KLHL15: variants seen among roughly 807,000 people sequenced by gnomAD.
KLHL15 encodes the protein kelch like family member 15.
In KLHL15, 1 loss-of-function variant was observed where a neutral mutation model predicts 29.3. That is an observed-to-expected ratio of 0.03 (90% CI 0.01 to 0.16). The LOEUF (loss-of-function observed/expected upper bound fraction) is 0.16, where lower values mean the gene tolerates loss of function less well. Among genes scored for constraint, KLHL15 ranks in the 10% least tolerant of loss-of-function variants. The pLI, the probability that KLHL15 is intolerant of heterozygous loss-of-function variation, is 1.00. For missense variants in KLHL15, 215 were observed against 478.5 expected (o/e 0.45, Z 5.14); for synonymous variants, 212 against 184.5 (o/e 1.15, Z -1.21).
At chrX:24,013,628 G>T (rs1405759496) in intron 2 of KLHL15, among the ~76,000 whole-genome samples, 1 of 111,096 alleles carries the variant, frequency 9.0e-6, no homozygotes, top group African/African-American at 3.3e-5. Context: ...AATGCATACT[G>T]GGAACAAAAG....
chrX:24,022,639 TA>T (rs34810589), intron 2 of KLHL15, among the ~76,000 whole-genome samples: 162 of 90,589 alleles, frequency 1.8e-3, no homozygotes, highest in Middle Eastern at 5.3e-3. Flanking sequence ...ACTCTTGTCT[TA>T]AAAAAAAAAA....
At position 23,988,915 on chromosome X, in the gene KLHL15, C is replaced by T. The variant is rs1487106316; in HGVS notation, c.821G>A (p.Arg274His). ...QQPLLDMKSS[R>H]IRSAKPQTTV... Reference sequence around the variant, plus strand: ...AGTTTGCGGTTTTGCAGAACGGATGCGGCTTGACTTCATATCCAACAAAGG... The same window carrying T: ...AGTTTGCGGTTTTGCAGAACGGATGTGGCTTGACTTCATATCCAACAAAGG... The change falls in exon 4 of 4, where the codon CGC becomes CAC. Residue 274 changes from arginine (R) to histidine (H), a missense_variant. Arg to His is a conservative substitution (Grantham distance 29). Coordinates refer to ENST00000328046, the MANE Select transcript of KLHL15 (RefSeq NM_030624.3). 4.1e-6 allele frequency: 5 copies of T among 1,211,667 alleles called. No homozygotes were observed. Among genetic ancestry groups the T allele is most frequent in the African/African-American group, 3.5e-5 (2 of 57,775 alleles).
chrX:24,020,356 T>C (rs1279685347), intron 2 of KLHL15, among the ~76,000 whole-genome samples: 1 of 112,384 alleles, frequency 8.9e-6, no homozygotes, highest in African/African-American at 3.2e-5. Context: ...ACTACTCAAA[T>C]TGAAAACTCA....
intron 2 of KLHL15, among the ~76,000 whole-genome samples, chrX:24,022,260 G>A (rs182135563): frequency 7.1e-4 from 76 of 106,521 alleles, no homozygotes; most frequent in African/African-American, 2.4e-3. Flanking sequence ...ACTTGAACCC[G>A]GGAGGCGGAG....
intron 3 of KLHL15, among the ~76,000 whole-genome samples, chrX:24,003,645 A>ATATGTG (rs769665629): frequency 1.2e-5 from 1 of 80,246 alleles, no homozygotes; most frequent in African/African-American, 5.5e-5. Flanking sequence ...TAGCATAAAT[A>ATATGTG]TATGTGTGTG....
At chrX:24,026,846 G>A (rs1929943644) in intron 1 of KLHL15, among the ~76,000 whole-genome samples, 2 of 111,566 alleles carry the variant, frequency 1.8e-5, no homozygotes, top group South Asian at 3.7e-4. Context: ...AAATTCCCAA[G>A]TTGTTCACAC....
intron 2 of KLHL15, among the ~76,000 whole-genome samples, chrX:24,011,724 G>A (rs1929578997): frequency 9.0e-6 from 1 of 111,731 alleles, no homozygotes; most frequent in Non-Finnish European, 1.9e-5. Flanking sequence ...AATCACCTGA[G>A]CCCAGGAAGT....
chrX:24,022,891 CG>C (rs774846717), intron 2 of KLHL15, among the ~76,000 whole-genome samples: 9 of 108,808 alleles, frequency 8.3e-5, no homozygotes, highest in Non-Finnish European at 1.1e-4. Context: ...CCCGCCACCA[CG>C]CCAGGCTAAC....
rs754907146 is a variant in KLHL15, at chrX:24,008,217, T to C, written c.-7-1517A>G. Among the ~76,000 whole-genome samples, 5 of 112,340 alleles carry C rather than the reference T, an allele frequency of 4.5e-5. No homozygotes were observed. In the East Asian group the frequency reaches 8.3e-4, roughly 19 times the overall value. On this transcript the variant is annotated intron_variant, in intron 2 of 3. Coordinates refer to ENST00000328046, the MANE Select transcript of KLHL15 (RefSeq NM_030624.3). ...TAAAATAGAGAACTATAATTAGATA[T>C]CTTAAATACAGCGGAATAAACTAAT...
intron 2 of KLHL15, among the ~76,000 whole-genome samples, chrX:24,011,176 A>AAAAAAAG (rs1476286446): frequency 9.2e-6 from 1 of 109,229 alleles, no homozygotes; most frequent in East Asian, 2.8e-4. Flanking sequence ...TCAAAAAAAA[A>AAAAAAAG]AAAAAAGAAA....
At chrX:24,007,739 T>C (rs1046426870) in intron 2 of KLHL15, among the ~76,000 whole-genome samples, 5 of 109,103 alleles carry the variant, frequency 4.6e-5, no homozygotes, top group African/African-American at 1.7e-4. Flanking sequence ...CTAAAGGAAA[T>C]ATTCAAATAA....
intron 2 of KLHL15, among the ~76,000 whole-genome samples, chrX:24,016,075 A>G (rs1602015289): frequency 1.8e-5 from 2 of 108,877 alleles, no homozygotes; most frequent in East Asian, 5.8e-4. Context: ...CAGGCCAGGC[A>G]CGGTGACTCA....
At chrX:24,007,475 A>G (rs775891817) in intron 2 of KLHL15, among the ~76,000 whole-genome samples, 1 of 91,548 alleles carries the variant, frequency 1.1e-5, no homozygotes, top group South Asian at 5.8e-4. Flanking sequence ...CCTGGGAGAC[A>G]GCAAGACCCC....
chrX:23,991,763 T>A (rs1601997646), intron 3 of KLHL15, among the ~76,000 whole-genome samples: 1 of 111,636 alleles, frequency 9.0e-6, no homozygotes, highest in African/African-American at 3.3e-5. Context: ...CACTTGAACC[T>A]GGGAGGCGGA....
intron 3 of KLHL15, among the ~76,000 whole-genome samples, chrX:24,002,778 G>A (rs7061998): frequency 1.6e-3 from 175 of 110,833 alleles, no homozygotes; most frequent in African/African-American, 5.4e-3. Flanking sequence ...CCAGGCATGT[G>A]CCCCCACACC....
intron 3 of KLHL15, among the ~76,000 whole-genome samples, chrX:23,989,945 G>A (rs1168004635): frequency 1.4e-4 from 15 of 110,083 alleles, no homozygotes; most frequent in Admixed American, 1.3e-3. Flanking sequence ...GTGAGTCACT[G>A]CGCCTGGCAA....
chrX:24,013,316 G>A (rs1602013434), intron 2 of KLHL15, among the ~76,000 whole-genome samples: 1 of 110,811 alleles, frequency 9.0e-6, no homozygotes, highest in African/African-American at 3.3e-5. Context: ...AGGCTGGAAT[G>A]CAGTGGTGCG....
intron 2 of KLHL15, among the ~76,000 whole-genome samples, chrX:24,018,620 G>A (rs1187615266): frequency 9.0e-6 from 1 of 111,310 alleles, no homozygotes; most frequent in African/African-American, 3.3e-5. Context: ...ATGATCTGGG[G>A]ACAAGTGAAT....
chrX:23,993,198 T>TG (rs1407005075), intron 3 of KLHL15, among the ~76,000 whole-genome samples: 2 of 107,013 alleles, frequency 1.9e-5, no homozygotes, highest in Admixed American at 9.7e-5. Context: ...ACTAATTTCC[T>TG]GGGATCCTTG....
Sources: allele counts gnomAD v4.1 joint callset (sites outside exome capture counted in the v4.1 genomes callset), GRCh38; gene constraint gnomAD v4.1.1; transcripts MANE v1.5; gene names NCBI Gene and HGNC (gene_info 2026-07-23, HGNC 2026-07-21).